TBCD: variants seen among roughly 807,000 people sequenced by gnomAD.
The protein encoded by TBCD is tubulin folding cofactor D.
Under a neutral mutation model 169.3 loss-of-function variants are expected in TBCD, and 105 were observed. That is an observed-to-expected ratio of 0.62 (90% CI 0.53 to 0.73). The LOEUF (loss-of-function observed/expected upper bound fraction) is 0.73. Ranked by LOEUF, TBCD falls within the 30% of genes least tolerant of loss-of-function variation. The pLI is 0.00. For synonymous variants in TBCD, 700 were observed against 643.9 expected, an observed-to-expected ratio of 1.09 and a Z score of -1.32; for missense variants, 1,444 against 1,600.1, an observed-to-expected ratio of 0.90 and a Z score of 1.66.
chr17:82,779,957 G>A (rs1291282277), intron 6 of TBCD, among the ~76,000 whole-genome samples: 2 of 152,134 alleles, frequency 1.3e-5, no homozygotes, highest in South Asian at 2.1e-4. Context: ...TTGAGGGAGC[G>A]CCTGGTGCCT....
chr17:82,786,958 G>A (rs1227122193), intron 7 of TBCD, among the ~76,000 whole-genome samples: 1 of 151,736 alleles, frequency 6.6e-6, no homozygotes, highest in Non-Finnish European at 1.5e-5. Flanking sequence ...TGGGCGGGAC[G>A]GCTCGCTGCC....
intron 34 of TBCD, among the ~76,000 whole-genome samples, chr17:82,935,189 G>A (rs1010403902): frequency 9.2e-5 from 14 of 152,164 alleles, no homozygotes; most frequent in African/African-American, 2.9e-4. Context: ...ATTTTGAAGC[G>A]TGTTTGTGGG....
rs76878568 is a variant in TBCD, at chr17:82,922,930, C to T, written c.2179-722C>T. 0.01 allele frequency among the ~76,000 whole-genome samples: 1,532 copies of T among 152,340 alleles called. 33 individuals are homozygous for T. The highest frequency in any genetic ancestry group is 0.034 in the African/African-American group (1,415 of 41,574). On this transcript the variant is annotated intron_variant, in intron 25 of 38. Transcript: ENST00000355528. This position sits in a 1 kb window ranked among gnomAD's most constrained non-coding sequence, Gnocchi z 4.1. The stretch of plus-strand genomic sequence containing the variant: ...TCGAGGAGACAGTGGCACTGAGCCC[C>T]GCACGCGGCGGGACTGGTGACTCTC...
rs368034858 is a variant in TBCD at position 82,756,170 on chromosome 17, A to G, written c.190A>G (p.Met64Val). The G allele has an allele frequency of 6.2e-7, 1 of 1,608,510 alleles. No homozygotes were observed. The highest frequency in any genetic ancestry group is 8.5e-7 in the Non-Finnish European group (1 of 1,177,156). ...EVALERFRVI[M>V]DKYQEQPHLL... ...CATGTTATATTTGTTTTTAGTAATA[A>G]TGGACAAATACCAGGAGCAGCCTCA... is the stretch of plus-strand genomic sequence containing the variant. Residue 64 changes from methionine (M) to valine (V), a missense_variant, in exon 2 of 39, where the codon ATG (methionine) becomes GTG (valine). Coordinates refer to ENST00000355528, the MANE Select transcript of TBCD (RefSeq NM_005993.5).
chr17:82,926,356 T>A (rs777865420), intron 27 of TBCD, 44 bp from the exon 28 acceptor site: 1 of 1,593,244 alleles, frequency 6.3e-7, no homozygotes, highest in South Asian at 1.1e-5. Context: ...GAGTGCACTT[T>A]GTTATAGCTT....
At chr17:82,941,334 C>CCTCCGCACACCTGAGGTT in intron 37 of TBCD, 65 bp from the exon 38 acceptor site, 2 of 1,406,612 alleles carry the variant, frequency 1.4e-6, no homozygotes, top group Non-Finnish European at 1.9e-6. Context: ...TGACGCGGGA[C>CCTCCGCACACCTGAGGTT]CTCCGCACAC....
At chr17:82,873,780 A>G (rs1031232180) in intron 14 of TBCD, among the ~76,000 whole-genome samples, 1 of 152,028 alleles carries the variant, frequency 6.6e-6, no homozygotes, top group Non-Finnish European at 1.5e-5. Context: ...CCCGTGCTTC[A>G]TGGAGGTTGG....
Position 82,805,889 on chromosome 17 carries a change from G to A in TBCD, c.965G>A (p.Cys322Tyr). 6.2e-7 allele frequency: 1 copy of A among 1,609,438 alleles called. No individual in the cohort carries two copies. The highest frequency in any genetic ancestry group is 1.3e-5 in the African/African-American group (1 of 74,980). The change falls in exon 10 of 39, where the codon TGC becomes TAC. Residue 322 changes from cysteine (C) to tyrosine (Y), a missense_variant. Physicochemically the swap from Cys to Tyr is radical, Grantham distance 194. Coordinates refer to ENST00000355528, the MANE Select transcript of TBCD (RefSeq NM_005993.5). The stretch of plus-strand genomic sequence containing the variant: ...GCTTTGCACAGGTACCAGCGTGGCT[G>A]CCGATCTTTGGCTGCAAATCTGCAG... ...KVAAWRYQRG[C>Y]RSLAANLQLL...
rs1009805051 is a variant in TBCD at position 82,944,446 on chromosome 17, C to G, written c.*1983C>G. The G allele has an allele frequency of 7.2e-5, 11 of 152,234 alleles. No individual in the cohort carries two copies. Among genetic ancestry groups the G allele is most frequent in the Admixed American group, 7.2e-4 (11 of 15,282 alleles). 9.4% of individuals were successfully genotyped at this position (152,234 alleles called of 1,614,324 possible). ...GGGCAGACAATAGCAAATGAACAAG[C>G]AAGCACCATCAAGGCAGGCAACACT... On this transcript the variant is annotated 3_prime_UTR_variant, in exon 39 of 39. Coordinates refer to ENST00000355528, the MANE Select transcript of TBCD (RefSeq NM_005993.5).
Position 82,768,547 on chromosome 17 carries a change from G to T in TBCD, c.563G>T (p.Arg188Leu). The change falls in exon 5 of 39, where the codon CGT (arginine) becomes CTT (leucine). Residue 188 changes from arginine (R) to leucine (L), a missense_variant. By Grantham distance (102) the Arg-to-Leu change is moderately radical. Coordinates refer to ENST00000355528, the MANE Select transcript of TBCD (RefSeq NM_005993.5). ...PGQARMSIMD[R>L]ILQIAESYLI... is the part of the protein sequence containing the mutation. ...CAAGCACGAATGTCCATAATGGACC[G>T]TATTCTCCAAATAGCAGAGGTAAAT... 1 of 1,613,858 alleles carries T rather than the reference G, an allele frequency of 6.2e-7. No homozygotes were observed. Among genetic ancestry groups the T allele is most frequent in the Non-Finnish European group, 8.5e-7 (1 of 1,179,810 alleles).
At position 82,929,667 on chromosome 17, in the gene TBCD, C is replaced by T. The variant is rs774985170; in HGVS notation, c.2991+167C>T. Reference sequence around the variant, plus strand: ...AGGGGCCCAGTGTCTTCCTCATGACCCAGGAGGCTTAGGGCCTGTGGGATG... The same window carrying T: ...AGGGGCCCAGTGTCTTCCTCATGACTCAGGAGGCTTAGGGCCTGTGGGATG... On this transcript the variant is annotated intron_variant, in intron 32 of 38. Coordinates refer to ENST00000355528, the MANE Select transcript of TBCD (RefSeq NM_005993.5). 13 of 946,162 alleles carry T rather than the reference C, an allele frequency of 1.4e-5. No homozygotes were observed. The South Asian group carries it at 1.8e-4, about 13-fold the overall frequency. The allele number at this position is 946,162 out of a possible 1,614,324, so 58.6% of individuals were successfully genotyped here.
chr17:82,804,706 C>T (rs1178592083), intron 9 of TBCD, among the ~76,000 whole-genome samples: 8 of 152,210 alleles, frequency 5.3e-5, no homozygotes, highest in Admixed American at 2.6e-4. Flanking sequence ...GTGGAAACCA[C>T]GGCTGTTTGG....
intron 9 of TBCD, 107 bp downstream of exon 9, chr17:82,801,103 T>TA: frequency 1.4e-6 from 1 of 716,714 alleles, no homozygotes; most frequent in Non-Finnish European, 1.7e-6. Flanking sequence ...TTGGGGCAGG[T>TA]GCTGTGGGGA....
In TBCD at chr17:82,859,888, G is replaced by A. The variant is rs533781437; in HGVS notation, c.1319-10336G>A. The A allele has an allele frequency of 5.9e-5, 58 of 985,436 alleles. No individual in the cohort carries two copies. In the African/African-American group the frequency reaches 1.0e-3, roughly 17 times the overall value. The allele number at this position is 985,436 out of a possible 1,614,324, so 61.0% of individuals were successfully genotyped here. On this transcript the variant is annotated intron_variant, in intron 13 of 38. Coordinates refer to ENST00000355528, the MANE Select transcript of TBCD (RefSeq NM_005993.5). Reference sequence around the variant, plus strand: ...TTGAGATAACTGGGTTGGAGACAGGGAGCAGGCTTGTCATTGTGCACTGGT... The same window carrying A: ...TTGAGATAACTGGGTTGGAGACAGGAAGCAGGCTTGTCATTGTGCACTGGT...
intron 36 of TBCD, 96 bp from the exon 37 acceptor site, chr17:82,939,271 T>TA: frequency 2.1e-6 from 2 of 971,298 alleles, no homozygotes; most frequent in Non-Finnish European, 3.2e-6. Context: ...TCCTGACGCC[T>TA]TCCACTGACG....
At chr17:82,898,333 G>C (rs2059635337) in intron 17 of TBCD, among the ~76,000 whole-genome samples, 1 of 127,662 alleles carries the variant, frequency 7.8e-6, no homozygotes, top group Non-Finnish European at 1.7e-5. Flanking sequence ...GGAGCACACG[G>C]CACGGCTCTG....
rs202045981 is a variant in TBCD, at chr17:82,830,443, A to C, written c.1318+15509A>C. The stretch of plus-strand genomic sequence containing the variant: ...CTGCTTCTGCTCCTCGCTGCTGTCC[A>C]CCGCGCATGCGTCTGGAGCCTCCTC... On this transcript the variant is annotated intron_variant, in intron 13 of 38. Coordinates refer to ENST00000355528, the MANE Select transcript of TBCD (RefSeq NM_005993.5). The C allele has an allele frequency of 3.1e-6, 5 of 1,612,038 alleles. No homozygotes were observed. In the Admixed American group the frequency reaches 5.0e-5, roughly 16 times the overall value.
At chr17:82,857,995 CT>C (rs1489871802) in intron 13 of TBCD, among the ~76,000 whole-genome samples, 1 of 152,074 alleles carries the variant, frequency 6.6e-6, no homozygotes, top group Non-Finnish European at 1.5e-5. Context: ...TCACCGCAGC[CT>C]TGACCTCCCA....
At chr17:82,793,188 T>A (rs1318813631) in intron 7 of TBCD, among the ~76,000 whole-genome samples, 9 of 152,240 alleles carry the variant, frequency 5.9e-5, no homozygotes, top group Admixed American at 5.9e-4. Context: ...CATTTACCAA[T>A]CCAGCAATGA....
Sources: gnomAD v4.1 joint callset for allele counts (sites outside exome capture counted in the v4.1 genomes callset) on GRCh38, gnomAD v4.1.1 for gene constraint, Gnocchi (gnomAD v3.1) non-coding constraint, MANE v1.5 for transcripts, NCBI Gene and HGNC (gene_info 2026-07-23, HGNC 2026-07-21) for gene names.